VNN2: variants seen among roughly 807,000 people sequenced by gnomAD.
VNN2 encodes pantetheine hydrolase VNN2.
A neutral mutation model predicts 43.0 loss-of-function variants in VNN2; 43 were observed. The ratio of observed to expected loss-of-function variants is 1.00; its 90% CI spans 0.78 to 1.29. The LOEUF (loss-of-function observed/expected upper bound fraction) is 1.29, where lower values mean the gene tolerates loss of function less well. Among genes scored for constraint, VNN2 ranks in the 50% most tolerant of loss-of-function variants. The probability of loss-of-function intolerance (pLI) is 0.00; values close to 1 mark genes in which losing one functional copy is unlikely to be tolerated. For synonymous variants in VNN2, 230 were observed against 224.3 expected (o/e 1.03, Z -0.23); for missense variants, 652 against 619.7 (o/e 1.05, Z -0.55).
chr6:132,756,415 C>T (rs1032709896), intron 2 of VNN2, among the ~76,000 whole-genome samples: 8 of 152,180 alleles, frequency 5.3e-5, no homozygotes, highest in African/African-American at 1.9e-4. Flanking sequence ...AAGCAAAACT[C>T]CTCAAAAGAT....
upstream of VNN2, among the ~76,000 whole-genome samples, chr6:132,759,300 G>A (rs9375917): frequency 4.2e-5 from 6 of 144,312 alleles, no homozygotes; most frequent in East Asian, 4.3e-4. Flanking sequence ...GTAGCTGGTC[G>A]TGGTGGTGGG....
At chr6:132,758,478 T>G (rs1362831860), upstream of VNN2, among the ~76,000 whole-genome samples, 1 of 152,204 alleles carries the variant, frequency 6.6e-6, no homozygotes, top group Non-Finnish European at 1.5e-5. Context: ...AATATTGAAT[T>G]TCCAAAAGAC....
upstream of VNN2, among the ~76,000 whole-genome samples, chr6:132,761,901 A>G (rs528377124): frequency 1.9e-4 from 29 of 152,258 alleles, no homozygotes; most frequent in African/African-American, 6.7e-4. Flanking sequence ...TACCTGCTCT[A>G]TCTCCTAAAG....
chr6:132,753,584 C>A, intron 3 of VNN2: 2 of 405,380 alleles, frequency 4.9e-6, no homozygotes, highest in African/African-American at 2.1e-5. Context: ...ATGGAATCAA[C>A]AGTTAATAAA....
upstream of VNN2, among the ~76,000 whole-genome samples, chr6:132,761,003 G>A (rs1780725800): frequency 6.6e-6 from 1 of 152,284 alleles, no homozygotes; most frequent in South Asian, 2.1e-4. Context: ...TTAGAAGTTA[G>A]TAAATGAAGG....
chr6:132,753,777 C>A (rs1366585063), intron 3 of VNN2: 3 of 184,000 alleles, frequency 1.6e-5, no homozygotes, highest in African/African-American at 7.1e-5. Context: ...CATGGAGAAA[C>A]CCCATCTCTA....
chr6:132,744,798 A>T (rs1779623827), intron 6 of VNN2, among the ~76,000 whole-genome samples: 2 of 152,234 alleles, frequency 1.3e-5, no homozygotes, highest in Admixed American at 1.3e-4. Context: ...GTTATACATC[A>T]CATCCTTCCC....
intron 6 of VNN2, among the ~76,000 whole-genome samples, chr6:132,745,191 A>G (rs1365278102): frequency 6.6e-6 from 1 of 152,220 alleles, no homozygotes; most frequent in Admixed American, 6.5e-5. Flanking sequence ...GAAATTGGAC[A>G]GCTGGCTGTT....
chr6:132,755,530 C>T lies in VNN2; in HGVS notation c.537+313G>A, dbSNP rs148607611. Among the ~76,000 whole-genome samples, 1,370 of 151,932 alleles carry T rather than the reference C, an allele frequency of 9.0e-3. 23 individuals carry two copies. The highest frequency in any genetic ancestry group is 0.022 in the African/African-American group (898 of 41,428). Reference sequence around the variant, plus strand: ...CTGGGACTACAGGCATGTGCCATCACGCCCCGCTAATTTTTGTATTTTTTA... The same window carrying T: ...CTGGGACTACAGGCATGTGCCATCATGCCCCGCTAATTTTTGTATTTTTTA... On this transcript the variant is annotated intron_variant, in intron 3 of 6. Coordinates refer to ENST00000326499, the MANE Select transcript of VNN2 (RefSeq NM_004665.6).
At chr6:132,748,833 A>G (rs572346557) in intron 6 of VNN2, among the ~76,000 whole-genome samples, 1 of 152,342 alleles carries the variant, frequency 6.6e-6, no homozygotes, top group Admixed American at 6.5e-5. Flanking sequence ...CAGGAGGCTG[A>G]GGCAGGAGGA....
intron 2 of VNN2, among the ~76,000 whole-genome samples, 179 bp from the exon 3 acceptor site, chr6:132,756,214 C>T (rs924149947): frequency 2.0e-5 from 3 of 152,190 alleles, no homozygotes; most frequent in Non-Finnish European, 2.9e-5. Flanking sequence ...GCTTCCCACA[C>T]GGTATCTATT....
chr6:132,745,924 G>A (rs1779689187), intron 6 of VNN2, among the ~76,000 whole-genome samples: 1 of 152,166 alleles, frequency 6.6e-6, no homozygotes, highest in African/African-American at 2.4e-5. Flanking sequence ...TAGTTGGAGT[G>A]GAGAAGAAAT....
intron 4 of VNN2, 126 bp downstream of exon 4, chr6:132,752,334 AT>A (rs1390694091): frequency 1.8e-6 from 2 of 1,114,880 alleles, no homozygotes; most frequent in African/African-American, 1.6e-5. Context: ...TTTTTTTTCT[AT>A]TGTGAAACTA....
At chr6:132,751,717 C>A (rs1364381019) in intron 4 of VNN2, among the ~76,000 whole-genome samples, 199 bp from the exon 5 acceptor site, 1 of 152,170 alleles carries the variant, frequency 6.6e-6, no homozygotes, top group African/African-American at 2.4e-5. Context: ...ATTCCTTGGT[C>A]TCATTTCAAT....
chr6:132,758,003 C>CTTCTTCTTCTTCTTCTTTTTTTTT, upstream of VNN2: 3 of 137,320 alleles, frequency 2.2e-5, no homozygotes, highest in African/African-American at 4.8e-4. Context: ...CATCATTTTT[C>CTTCTTCTTCTTCTTCTTTTTTTTT]TTCTTCTTCT....
upstream of VNN2, among the ~76,000 whole-genome samples, chr6:132,759,438 C>CAAAAAAAAAAA (rs58195059): frequency 4.0e-4 from 28 of 69,152 alleles, no homozygotes; most frequent in African/African-American, 4.4e-4. Flanking sequence ...AACTCCGTCT[C>CAAAAAAAAAAA]AAAAAAAAAA....
At chr6:132,750,751 T>A (rs1780022530) in intron 5 of VNN2, among the ~76,000 whole-genome samples, 1 of 151,646 alleles carries the variant, frequency 6.6e-6, no homozygotes, top group South Asian at 2.1e-4. Context: ...AAAATAAAAG[T>A]AGTATCTCTA....
At chr6:132,762,916 C>A (rs1357266153) in intron 1 of VNN2, among the ~76,000 whole-genome samples, 1 of 152,188 alleles carries the variant, frequency 6.6e-6, no homozygotes, top group Non-Finnish European at 1.5e-5. Flanking sequence ...GAGTTAGTAG[C>A]ATCCTCCCCT....
intron 4 of VNN2, among the ~76,000 whole-genome samples, 175 bp from the exon 5 acceptor site, chr6:132,751,693 A>G (rs1467413031): frequency 6.6e-6 from 1 of 152,226 alleles, no homozygotes; most frequent in African/African-American, 2.4e-5. Flanking sequence ...CTAATGGAAG[A>G]GATTAAAATA....
Sources: gnomAD v4.1 joint callset for allele counts (sites outside exome capture counted in the v4.1 genomes callset) on GRCh38, gnomAD v4.1.1 for gene constraint, MANE v1.5 for transcripts, NCBI Gene and HGNC (gene_info 2026-07-23, HGNC 2026-07-21) for gene names.